ZC3H11A: variants seen among roughly 807,000 people sequenced by gnomAD.
ZC3H11A encodes zinc finger CCCH domain-containing protein 11A.
In ZC3H11A, 22 loss-of-function variants were observed where a neutral mutation model predicts 90.8. The ratio of observed to expected loss-of-function variants is 0.24; its 90% CI spans 0.17 to 0.35. ZC3H11A has a LOEUF of 0.35. ZC3H11A is among the 10% of genes least tolerant of loss of function. ZC3H11A has a pLI of 1.00. For missense variants in ZC3H11A, 701 were observed against 964.9 expected (o/e 0.73, Z 3.62); for synonymous variants, 294 against 339.8 (o/e 0.87, Z 1.48).
At chr1:203,826,107 G>A (rs532010341) in intron 4 of ZC3H11A, among the ~76,000 whole-genome samples, 38 of 152,266 alleles carry the variant, frequency 2.5e-4, no homozygotes, top group African/African-American at 8.4e-4. Context: ...CTTGAGAAAG[G>A]AAGAATTGAA....
chr1:203,815,216 C>CTTTTCTTTTT (rs1553261508), intron 2 of ZC3H11A, among the ~76,000 whole-genome samples: 16 of 97,154 alleles, frequency 1.6e-4, no homozygotes, highest in African/African-American at 5.4e-4. Context: ...CTTTTCTTTT[C>CTTTTCTTTTT]TTTTTTTTTT....
intron 2 of ZC3H11A, among the ~76,000 whole-genome samples, chr1:203,810,084 T>C (rs1673845090): frequency 8.2e-6 from 1 of 122,324 alleles, no homozygotes; most frequent in African/African-American, 2.7e-5. Context: ...GGGATAGTAT[T>C]GATTATAAAG....
intron 2 of ZC3H11A, among the ~76,000 whole-genome samples, chr1:203,813,214 T>C (rs965793863): frequency 2.6e-5 from 4 of 151,846 alleles, no homozygotes; most frequent in Non-Finnish European, 5.9e-5. Flanking sequence ...TTTTGTTTTT[T>C]GTTTTTTTTT....
chr1:203,797,473 T>C (rs1668930866), intron 1 of ZC3H11A: 1 of 1,437,336 alleles, frequency 7.0e-7, no homozygotes, highest in Non-Finnish European at 9.1e-7. Context: ...TCTGCTTGAG[T>C]AATAAACCCA....
At chr1:203,833,718 T>G in intron 9 of ZC3H11A, 73 bp from the exon 10 acceptor site, 1 of 1,297,214 alleles carries the variant, frequency 7.7e-7, no homozygotes, top group African/African-American at 1.5e-5. Flanking sequence ...AGAACATACT[T>G]TGTACCCATT....
At chr1:203,824,574 C>T (rs1679867798) in intron 4 of ZC3H11A, among the ~76,000 whole-genome samples, 1 of 152,196 alleles carries the variant, frequency 6.6e-6, no homozygotes, top group African/African-American at 2.4e-5. Context: ...ACATGTGTCA[C>T]ATTGGTTCAC....
intron 1 of ZC3H11A, chr1:203,798,258 A>C: frequency 6.5e-7 from 1 of 1,536,156 alleles, no homozygotes; most frequent in Non-Finnish European, 8.7e-7. Context: ...AGAAAGAGGG[A>C]GATTTCTCAT....
chr1:203,797,259 G>A, intron 1 of ZC3H11A: 1 of 261,018 alleles, frequency 3.8e-6, no homozygotes, highest in Non-Finnish European at 7.2e-6. Flanking sequence ...TCTGTAACAT[G>A]AGGACACTGG....
Position 203,848,342 on chromosome 1 carries a change from GAGA to G in ZC3H11A, c.1563_1565del (p.Lys521del). ...TAATGTGAATACAGGGATGAAAGAA[GAGA>G]AGAACCTTCAGGAAGGAAATGAAGT... On this transcript the variant is annotated inframe_deletion, in exon 14 of 18. Transcript: ENST00000367210. The G allele has an allele frequency of 1.2e-6, 2 of 1,612,650 alleles. No homozygotes were observed. The highest frequency in any genetic ancestry group is 1.7e-6 in the Non-Finnish European group (2 of 1,179,462).
intron 8 of ZC3H11A, among the ~76,000 whole-genome samples, chr1:203,831,332 T>A (rs757083981): frequency 2.6e-5 from 4 of 152,190 alleles, no homozygotes; most frequent in African/African-American, 9.7e-5. Context: ...TAGGTTGGAT[T>A]GATACACCTG....
chr1:203,848,427 A>G lies in ZC3H11A; in HGVS notation c.1623+20A>G, dbSNP rs920166536. On this transcript the variant is annotated intron_variant, in intron 14 of 17. Transcript: ENST00000367210. ...AAAGAGGTAAATTTAAGATTATTGT[A>G]TGGTTTTGTTCATGGCAAACAAAGG... The G allele has an allele frequency of 6.3e-7, 1 of 1,590,284 alleles. No homozygotes were observed. The highest frequency in any genetic ancestry group is 8.6e-7 in the Non-Finnish European group (1 of 1,165,350).
chr1:203,832,332 A>T (rs1400682516), intron 9 of ZC3H11A, among the ~76,000 whole-genome samples: 4 of 150,808 alleles, frequency 2.7e-5, no homozygotes, highest in Admixed American at 2.0e-4. Flanking sequence ...AAGTGCTGGG[A>T]TTACAGGTGT....
At position 203,813,994 on chromosome 1, in the gene ZC3H11A, T is replaced by A. The variant is rs1300856852; in HGVS notation, c.-145-2932T>A. ...TTGTTTTTTTTTTTTGCAATATGGA[T>A]AGAGTGAGAATTTTCTAAATTTTCA... On this transcript the variant is annotated intron_variant, in intron 2 of 17. Coordinates refer to ENST00000367210, the MANE Select transcript of ZC3H11A (RefSeq NM_001376342.1). Among the ~76,000 whole-genome samples, 4 of 151,148 alleles carry A rather than the reference T, an allele frequency of 2.6e-5. No individual in the cohort carries two copies. The East Asian group carries it at 7.8e-4, about 30-fold the overall frequency.
chr1:203,800,252 G>T (rs929990267), intron 1 of ZC3H11A: 3 of 1,136,652 alleles, frequency 2.6e-6, no homozygotes, highest in Non-Finnish European at 3.8e-6. Context: ...GTTGCCCCAT[G>T]TGTAGTTGGC....
chr1:203,799,941 C>T, intron 1 of ZC3H11A: 3 of 1,536,140 alleles, frequency 2.0e-6, no homozygotes, highest in South Asian at 2.4e-5. Context: ...GGAATCTTCA[C>T]CAGAGATCTG....
rs756302658 is a variant in ZC3H11A, at chr1:203,849,890, G to C, written c.1803G>C (p.Val601=). ...QVAEKPVLTA[V]PGITRHLTKR... ...CAGAGAAACCAGTGCTCACTGCTGT[G>C]CCAGGAATCACACGGCACCTGACCA... The change falls in exon 15 of 18, where the codon GTG becomes GTC. Residue 601 remains valine (V), a synonymous_variant. Coordinates refer to ENST00000367210, the MANE Select transcript of ZC3H11A (RefSeq NM_001376342.1). 3 of 1,614,084 alleles carry C rather than the reference G, an allele frequency of 1.9e-6. No homozygotes were observed. In the South Asian group the frequency reaches 3.3e-5, roughly 18 times the overall value.
At chr1:203,831,338 A>G (rs1682296442) in intron 8 of ZC3H11A, among the ~76,000 whole-genome samples, 1 of 152,118 alleles carries the variant, frequency 6.6e-6, no homozygotes, top group Non-Finnish European at 1.5e-5. Context: ...GGATTGATAC[A>G]CCTGATGGCT....
At chr1:203,819,012 T>G (rs1677297896) in intron 4 of ZC3H11A, among the ~76,000 whole-genome samples, 1 of 149,208 alleles carries the variant, frequency 6.7e-6, no homozygotes, top group Non-Finnish European at 1.5e-5. Flanking sequence ...GAGGTTGCAG[T>G]GAGCTGAGAT....
Position 203,851,714 on chromosome 1 carries a change from A to G in ZC3H11A, c.2175-427A>G, listed in dbSNP as rs577916802. Among the ~76,000 whole-genome samples the G allele has an allele frequency of 7.2e-5, 11 of 152,276 alleles. No homozygotes were observed. The South Asian group carries it at 2.3e-3, about 32-fold the overall frequency. Reference sequence around the variant, plus strand: ...AAGGCGGCTTATGCCTGTAATCCCAACATTTTGGGAGACTGGGGCTGGAGA... The same window carrying G: ...AAGGCGGCTTATGCCTGTAATCCCAGCATTTTGGGAGACTGGGGCTGGAGA... On this transcript the variant is annotated intron_variant, in intron 17 of 17. Transcript: ENST00000367210.
Sources: allele counts gnomAD v4.1 joint callset (sites outside exome capture counted in the v4.1 genomes callset), GRCh38; gene constraint gnomAD v4.1.1; transcripts MANE v1.5; gene names NCBI Gene and HGNC (gene_info 2026-07-23, HGNC 2026-07-21).